STXBP6: variants seen among roughly 807,000 people sequenced by gnomAD.
STXBP6 encodes the protein syntaxin-binding protein 6.
Under a neutral mutation model 26.9 loss-of-function variants are expected in STXBP6, and 21 were observed. That is an observed-to-expected ratio of 0.78 (90% CI 0.55 to 1.12). The LOEUF (loss-of-function observed/expected upper bound fraction) is 1.12, where lower values mean the gene tolerates loss of function less well. Among genes scored for constraint, STXBP6 ranks in the 50% most tolerant of loss-of-function variants. The pLI, the probability that STXBP6 is intolerant of heterozygous loss-of-function variation, is 0.00. For missense variants in STXBP6, 232 were observed against 257.9 expected (o/e 0.90, Z 0.69); for synonymous variants, 97 against 92.6 (o/e 1.05, Z -0.27).
At chr14:24,856,552 G>A (rs1041217360) in intron 3 of STXBP6, among the ~76,000 whole-genome samples, 5 of 151,834 alleles carry the variant, frequency 3.3e-5, no homozygotes, top group African/African-American at 7.3e-5. Flanking sequence ...TGTGAGCAAC[G>A]GGAATGTACT....
chr14:24,879,959 T>C (rs2139416568), intron 2 of STXBP6, among the ~76,000 whole-genome samples: 1 of 152,330 alleles, frequency 6.6e-6, no homozygotes, highest in Non-Finnish European at 1.5e-5. Context: ...TGCTCCTTTC[T>C]ATCCTCTTGG....
intron 2 of STXBP6, among the ~76,000 whole-genome samples, chr14:24,969,460 A>G (rs1467723255): frequency 1.3e-5 from 2 of 152,222 alleles, no homozygotes; most frequent in Non-Finnish European, 2.9e-5. Context: ...GCATGTTTCT[A>G]GTTTAGCTTT....
intron 2 of STXBP6, among the ~76,000 whole-genome samples, chr14:24,961,921 C>A (rs1467462203): frequency 1.3e-5 from 2 of 152,086 alleles, no homozygotes; most frequent in Non-Finnish European, 2.9e-5. Context: ...AGAAAAAAAA[C>A]ATAAATATGT....
At chr14:25,042,308 A>G (rs555814189) in intron 1 of STXBP6, among the ~76,000 whole-genome samples, 1 of 152,356 alleles carries the variant, frequency 6.6e-6, no homozygotes, top group African/African-American at 2.4e-5. Context: ...ATCCCATAAG[A>G]AGGCAAGCCA....
intron 1 of STXBP6, among the ~76,000 whole-genome samples, chr14:24,984,321 T>TTA (rs1411073859): frequency 1.3e-5 from 2 of 152,196 alleles, no homozygotes; most frequent in African/African-American, 4.8e-5. Context: ...TATCACCACT[T>TTA]TACAATTTCT....
intron 4 of STXBP6, among the ~76,000 whole-genome samples, chr14:24,839,018 C>A (rs1477189918): frequency 1.3e-5 from 2 of 152,048 alleles, no homozygotes; most frequent in Non-Finnish European, 2.9e-5. Context: ...CATAAAAAGT[C>A]CAACAGGCCA....
chr14:24,838,368 A>G (rs892252313), intron 4 of STXBP6, among the ~76,000 whole-genome samples: 1 of 152,102 alleles, frequency 6.6e-6, no homozygotes, highest in Non-Finnish European at 1.5e-5. Flanking sequence ...TAACTGTGGA[A>G]TTGGAGGAAA....
In STXBP6 at chr14:24,944,210, A is replaced by T. The variant is rs184367411; in HGVS notation, c.154+30455T>A. ...CGGAGAAACAGTAAAGCTCGGAGGAACCTATTGAGTTCTGCCACCGCACGG... is the reference window on the plus strand; with the variant it reads ...CGGAGAAACAGTAAAGCTCGGAGGATCCTATTGAGTTCTGCCACCGCACGG... On this transcript the variant is annotated intron_variant, in intron 2 of 5. Transcript: ENST00000323944. Among the ~76,000 whole-genome samples the T allele has an allele frequency of 2.6e-5, 4 of 152,258 alleles. No homozygotes were observed. The East Asian group carries it at 7.7e-4, about 29-fold the overall frequency.
intron 1 of STXBP6, chr14:25,010,455 A>C (rs2075002937): frequency 6.6e-6 from 1 of 152,286 alleles, no homozygotes; most frequent in Admixed American, 6.5e-5. Context: ...ATACTTAAAT[A>C]AATAAATAAG....
intron 2 of STXBP6, among the ~76,000 whole-genome samples, chr14:24,930,904 G>C (rs903179152): frequency 1.3e-5 from 2 of 149,500 alleles, no homozygotes; most frequent in African/African-American, 2.5e-5. Flanking sequence ...GAGGTCAGGA[G>C]ATCGAGACCA....
intron 2 of STXBP6, among the ~76,000 whole-genome samples, chr14:24,929,964 C>T (rs1302029377): frequency 1.3e-5 from 2 of 152,062 alleles, no homozygotes; most frequent in Admixed American, 6.5e-5. Context: ...TTGTTATATG[C>T]AAAAAAGAAT....
intron 2 of STXBP6, among the ~76,000 whole-genome samples, chr14:24,891,111 G>A (rs1284798639): frequency 6.6e-6 from 1 of 152,102 alleles, no homozygotes; most frequent in Non-Finnish European, 1.5e-5. Flanking sequence ...GTTTCCTAAG[G>A]AAGGGCTCGT....
At chr14:24,984,866 C>T (rs1762369827) in intron 1 of STXBP6, among the ~76,000 whole-genome samples, 1 of 152,176 alleles carries the variant, frequency 6.6e-6, no homozygotes, top group Non-Finnish European at 1.5e-5. Flanking sequence ...AAGGGCAGAG[C>T]AGGGACTTAA....
chr14:24,995,209 C>T (rs2074572668), intron 1 of STXBP6, among the ~76,000 whole-genome samples: 1 of 152,126 alleles, frequency 6.6e-6, no homozygotes, highest in African/African-American at 2.4e-5. Context: ...GTAGAAGGAA[C>T]AAGGCAGTTC....
At chr14:24,932,581 C>G (rs994451870) in intron 2 of STXBP6, among the ~76,000 whole-genome samples, 2 of 151,680 alleles carry the variant, frequency 1.3e-5, no homozygotes, top group African/African-American at 4.8e-5. Context: ...TAATGAATTA[C>G]AGTGAGTGAG....
chr14:25,044,587 C>T (rs2075697349), intron 1 of STXBP6, among the ~76,000 whole-genome samples: 1 of 152,214 alleles, frequency 6.6e-6, no homozygotes, highest in Non-Finnish European at 1.5e-5. Context: ...AACTCATCTG[C>T]TATTTCAACG....
intron 1 of STXBP6, among the ~76,000 whole-genome samples, chr14:24,997,164 A>T (rs938507505): frequency 4.1e-4 from 63 of 152,220 alleles, no homozygotes; most frequent in African/African-American, 1.5e-3. Context: ...CACAGGCCAG[A>T]ATCCTGTCTT....
chr14:24,831,861 G>A (rs1403255836), intron 4 of STXBP6, among the ~76,000 whole-genome samples: 1 of 152,048 alleles, frequency 6.6e-6, no homozygotes, highest in Non-Finnish European at 1.5e-5. Context: ...AAGCAACTTA[G>A]GGGTCAAGTT....
At chr14:25,015,385 C>A (rs1188097271) in intron 1 of STXBP6, among the ~76,000 whole-genome samples, 2 of 151,968 alleles carry the variant, frequency 1.3e-5, no homozygotes, top group Non-Finnish European at 2.9e-5. Flanking sequence ...ACCCTGCCCA[C>A]CCAACCCACA....
Sources: allele counts gnomAD v4.1 joint callset (sites outside exome capture counted in the v4.1 genomes callset), GRCh38; gene constraint gnomAD v4.1.1; transcripts MANE v1.5; gene names NCBI Gene and HGNC (gene_info 2026-07-23, HGNC 2026-07-21).